The following RPS6KA1 variants were observed in gnomAD, a reference collection of about 807,000 sequenced individuals.
RPS6KA1 encodes the protein ribosomal protein S6 kinase A1, also known as ribosomal protein S6 kinase alpha-1.
RPS6KA1 carries 48 observed loss-of-function variants against 91.3 expected under a neutral mutation model. The ratio of observed to expected loss-of-function variants is 0.53; its 90% confidence interval spans 0.42 to 0.67. The LOEUF (loss-of-function observed/expected upper bound fraction) is 0.67. Ranked by LOEUF, RPS6KA1 falls within the 30% of genes least tolerant of loss-of-function variation. The pLI is 0.00. For synonymous variants in RPS6KA1, 359 were observed against 384.7 expected, an observed-to-expected ratio of 0.93 and a Z score of 0.78; for missense variants, 719 against 960.5, an observed-to-expected ratio of 0.75 and a Z score of 3.32.
Position 26,561,019 on chromosome 1 carries a change from C to A in RPS6KA1, c.1342-26C>A. 6.2e-7 allele frequency: 1 copy of A among 1,609,526 alleles called. No homozygotes were observed. Among genetic ancestry groups the A allele is most frequent in the Non-Finnish European group, 8.5e-7 (1 of 1,176,578 alleles). On this transcript the variant is annotated intron_variant, in intron 15 of 21. Coordinates refer to ENST00000374168, the MANE Select transcript of RPS6KA1 (RefSeq NM_002953.4). This position sits in a 1 kb window ranked among gnomAD's most constrained non-coding sequence, Gnocchi z 5.7. ...GACCCTGGACCCTGTCACCCTGACA[C>A]TGCCACATGCACCCCCTTTCTTCAG...
rs748764001 is a variant in RPS6KA1, at chr1:26,562,825, C to CTTTTTTTTTTTTTTTTTTTT, written c.1590+1170_1590+1189dup. Among the ~76,000 whole-genome samples, 9 of 81,444 alleles carry CTTTTTTTTTTTTTTTTTTTT rather than the reference C, an allele frequency of 1.1e-4. 1 individual carries two copies. Among genetic ancestry groups the CTTTTTTTTTTTTTTTTTTTT allele is most frequent in the African/African-American group, 4.1e-4 (8 of 19,742 alleles). 53.4% of individuals were successfully genotyped at this position (81,444 alleles called of 152,430 possible). On this transcript the variant is annotated intron_variant, in intron 17 of 21. Transcript: ENST00000374168. The stretch of plus-strand genomic sequence containing the variant: ...ATAGACACATTTTTCTCCTATTGTC[C>CTTTTTTTTTTTTTTTTTTTT]TTTTTTTTTTTTTTTTTTTTTTTTT...
At chr1:26,535,904 A>C (rs796430336) in intron 1 of RPS6KA1, among the ~76,000 whole-genome samples, 32 of 152,136 alleles carry the variant, frequency 2.1e-4, no homozygotes, top group Middle Eastern at 3.4e-3. Context: ...TAATCCCAGC[A>C]CTTTGGGAGG....
chr1:26,574,065 C>A lies in RPS6KA1; in HGVS notation c.2086-14C>A. The A allele has an allele frequency of 2.5e-6, 4 of 1,613,402 alleles. No homozygotes were observed. The highest frequency in any genetic ancestry group is 3.4e-6 in the Non-Finnish European group (4 of 1,179,470). ...TCCCACCATTGTGACCTGACCTCCC[C>A]ACTTCTCTTTCAGGGAGCCATGGCT... On this transcript the variant is annotated splice_polypyrimidine_tract_variant and intron_variant, in intron 21 of 21. Transcript: ENST00000374168. The surrounding 1 kb of genome is among the most constrained non-coding windows in gnomAD (Gnocchi z 4.3).
rs918527886 is a variant in RPS6KA1, at chr1:26,573,336, C to T, written c.2060C>T (p.Ser687Phe). ...QKDKLPQSQL[S>F]HQDLQLVKGA... ...GACAAGCTTCCCCAAAGCCAGCTGT[C>T]CCACCAGGACCTACAGCTTGTGAAG... The change falls in exon 21 of 22, where the codon TCC (serine) becomes TTC (phenylalanine). Residue 687 changes from serine to phenylalanine, a missense_variant. Transcript: ENST00000374168. The T allele has an allele frequency of 6.2e-7, 1 of 1,614,104 alleles. No homozygotes were observed. Among genetic ancestry groups the T allele is most frequent in the Non-Finnish European group, 8.5e-7 (1 of 1,180,038 alleles).
At chr1:26,538,436 G>A (rs570912093) in intron 2 of RPS6KA1, among the ~76,000 whole-genome samples, 4 of 152,322 alleles carry the variant, frequency 2.6e-5, no homozygotes, top group African/African-American at 7.2e-5. Context: ...GGAGCTTGCC[G>A]AGGCAGGTAA....
At position 26,558,141 on chromosome 1, in the gene RPS6KA1, C is replaced by T. The variant is rs1424996738; in HGVS notation, c.1085-666C>T. ...AGAGACAGCACTTCTCCAAGCAGTC[C>T]GCTGGGCAACGTGACAAGTGCAGCT... is the stretch of plus-strand genomic sequence containing the variant. On this transcript the variant is annotated intron_variant, in intron 13 of 21. Coordinates refer to ENST00000374168, the MANE Select transcript of RPS6KA1 (RefSeq NM_002953.4). The surrounding 1 kb of genome is among the most constrained non-coding windows in gnomAD (Gnocchi z 4.0). Among the ~76,000 whole-genome samples, 1 of 152,076 alleles carries T rather than the reference C, an allele frequency of 6.6e-6. No individual in the cohort carries two copies. Among genetic ancestry groups the T allele is most frequent in the African/African-American group, 2.4e-5 (1 of 41,396 alleles).
At chr1:26,545,801 C>T (rs2075989202) in intron 2 of RPS6KA1, 21 of 1,407,652 alleles carry the variant, frequency 1.5e-5, no homozygotes, top group Non-Finnish European at 1.8e-5. Context: ...CAGGCCCAGC[C>T]CCCGCCCTTA....
chr1:26,531,588 A>G (rs2075867825), intron 1 of RPS6KA1: 1 of 152,088 alleles, frequency 6.6e-6, no homozygotes, highest in Non-Finnish European at 1.5e-5. Context: ...TAACTGGGAA[A>G]CTCATCTCAG....
chr1:26,545,231 G>A (rs1444541432), intron 2 of RPS6KA1, among the ~76,000 whole-genome samples: 1 of 150,282 alleles, frequency 6.7e-6, no homozygotes, highest in African/African-American at 2.5e-5. Flanking sequence ...GTGCAGTGGC[G>A]CTATCTCGGC....
Position 26,555,351 on chromosome 1 carries a change from A to G in RPS6KA1, c.827+130A>G, listed in dbSNP as rs1241510853. 9 of 1,054,600 alleles carry G rather than the reference A, an allele frequency of 8.5e-6. No individual in the cohort carries two copies. The highest frequency in any genetic ancestry group is 1.1e-5 in the Non-Finnish European group (8 of 711,390). The allele number at this position is 1,054,600 out of a possible 1,614,324, so 65.3% of individuals were successfully genotyped here. ...AATGAGACTCTCCTCTGGGTTAAACATTATACCTTCCAGAGCCCCTCTTTC... is the reference window on the plus strand; with the variant it reads ...AATGAGACTCTCCTCTGGGTTAAACGTTATACCTTCCAGAGCCCCTCTTTC... On this transcript the variant is annotated intron_variant, in intron 10 of 21. Coordinates refer to ENST00000374168, the MANE Select transcript of RPS6KA1 (RefSeq NM_002953.4). The surrounding 1 kb of genome is among the most constrained non-coding windows in gnomAD (Gnocchi z 4.3).
intron 1 of RPS6KA1, chr1:26,530,830 C>G: frequency 7.8e-7 from 1 of 1,288,460 alleles, no homozygotes; most frequent in Non-Finnish European, 1.0e-6. Flanking sequence ...CTTTTGACCC[C>G]AGGGTCAAGG....
At chr1:26,567,704 A>C (rs972109733) in intron 17 of RPS6KA1, among the ~76,000 whole-genome samples, 2 of 152,136 alleles carry the variant, frequency 1.3e-5, no homozygotes, top group Non-Finnish European at 2.9e-5. Flanking sequence ...CTTCCCAAGC[A>C]GTCACTGTGT....
rs778048097 is a variant in RPS6KA1, at chr1:26,573,264, G to C, written c.1988G>C (p.Arg663Pro). ...SKMLHVDPHQ[R>P]LTAKQVLQHP... ...ATGCTACACGTGGATCCCCACCAGC[G>C]CCTCACAGCTAAGCAGGTTCTGCAG... Residue 663 changes from arginine (R) to proline (P), a missense_variant, in exon 21 of 22, where the codon CGC becomes CCC. Transcript: ENST00000374168. The C allele has an allele frequency of 6.2e-7, 1 of 1,614,150 alleles. No homozygotes were observed. The highest frequency in any genetic ancestry group is 1.7e-5 in the Admixed American group (1 of 60,022).
intron 21 of RPS6KA1, among the ~76,000 whole-genome samples, 194 bp from the exon 22 acceptor site, chr1:26,573,885 C>G (rs1055447070): frequency 6.6e-6 from 1 of 151,768 alleles, no homozygotes; most frequent in African/African-American, 2.4e-5. Context: ...TTGCAGTGAG[C>G]CAAGATTGTG....
At chr1:26,539,866 G>A (rs2075934196) in intron 2 of RPS6KA1, among the ~76,000 whole-genome samples, 1 of 152,286 alleles carries the variant, frequency 6.6e-6, no homozygotes, top group Non-Finnish European at 1.5e-5. Flanking sequence ...TCCGGAGCTG[G>A]ACCCCTTTGA....
chr1:26,532,857 G>A (rs1005163807), intron 1 of RPS6KA1, among the ~76,000 whole-genome samples: 5 of 152,346 alleles, frequency 3.3e-5, no homozygotes, highest in Middle Eastern at 6.8e-3. Context: ...CTCATGAGCA[G>A]TGCTCTCTGA....
intron 2 of RPS6KA1, among the ~76,000 whole-genome samples, chr1:26,541,256 CAAA>C (rs1236744429): frequency 2.1e-5 from 2 of 93,468 alleles, no homozygotes; most frequent in Non-Finnish European, 2.2e-5. Flanking sequence ...GACTCTGTCT[CAAA>C]AAAAAAAAAA....
chr1:26,534,040 G>T (rs72879007), intron 1 of RPS6KA1, among the ~76,000 whole-genome samples: 1 of 152,164 alleles, frequency 6.6e-6, no homozygotes, highest in African/African-American at 2.4e-5. Flanking sequence ...GCCTTAGAGC[G>T]GGGGGTCCCT....
Position 26,572,158 on chromosome 1 carries a change from G to T in RPS6KA1, c.1830-18G>T. 1.3e-6 allele frequency: 2 copies of T among 1,598,006 alleles called. No homozygotes were observed. The highest frequency in any genetic ancestry group is 1.7e-6 in the Non-Finnish European group (2 of 1,165,344). On this transcript the variant is annotated intron_variant, in intron 19 of 21. Transcript: ENST00000374168. ...GGAGGCCAGAGTCTGTACCCAGACC[G>T]TGCGGGCTTTTCTGCAGATATACTC...
Sources: allele counts gnomAD v4.1 joint callset (sites outside exome capture counted in the v4.1 genomes callset), GRCh38; gene constraint gnomAD v4.1.1; non-coding constraint Gnocchi (gnomAD v3.1); transcripts MANE v1.5; gene names NCBI Gene and HGNC (gene_info 2026-07-23, HGNC 2026-07-21).